Variants in CAMKMT observed in about 807,000 individuals in gnomAD.
CAMKMT encodes CaM KMT.
In CAMKMT, 53 loss-of-function variants were observed where a neutral mutation model predicts 48.0. The observed-to-expected ratio is 1.10, with a 90% CI of 0.89 to 1.39. The LOEUF is 1.39. Ranked by LOEUF, CAMKMT falls within the 40% of genes most tolerant of loss-of-function variation. The pLI is 0.00. For missense variants in CAMKMT, 428 were observed against 402.7 expected (o/e 1.06, Z -0.54); for synonymous variants, 165 against 152.3 (o/e 1.08, Z -0.61).
chr2:44,436,735 A>G (rs1666285073), intron 3 of CAMKMT, among the ~76,000 whole-genome samples: 1 of 152,168 alleles, frequency 6.6e-6, no homozygotes, highest in African/African-American at 2.4e-5. Flanking sequence ...TCTCAGGACT[A>G]TGTGATTACA....
intron 3 of CAMKMT, among the ~76,000 whole-genome samples, chr2:44,599,233 G>C (rs1480246967): frequency 6.6e-6 from 1 of 152,070 alleles, no homozygotes; most frequent in Admixed American, 6.5e-5. Context: ...CAAATACTGT[G>C]ACCATAACTC....
intron 7 of CAMKMT, among the ~76,000 whole-genome samples, chr2:44,729,813 C>T (rs1678986495): frequency 6.6e-6 from 1 of 152,078 alleles, no homozygotes; most frequent in Admixed American, 6.6e-5. Context: ...AAAGTGTGGC[C>T]CCCTGACCAG....
At chr2:44,737,887 T>TCA (rs1160335692) in intron 7 of CAMKMT, among the ~76,000 whole-genome samples, 7 of 115,776 alleles carry the variant, frequency 6.0e-5, no homozygotes, top group Non-Finnish European at 9.0e-5. Flanking sequence ...AGATGGAGTC[T>TCA]CGCTGTTACC....
At chr2:44,621,136 T>C (rs569573586) in intron 3 of CAMKMT, among the ~76,000 whole-genome samples, 4,305 of 151,398 alleles carry the variant, frequency 0.028, 177 homozygotes, top group African/African-American at 0.088. Flanking sequence ...GGCGTGGTGA[T>C]GGGCGCTTGT....
chr2:44,520,218 C>G (rs1054763492), intron 3 of CAMKMT, among the ~76,000 whole-genome samples: 2 of 151,750 alleles, frequency 1.3e-5, no homozygotes, highest in Non-Finnish European at 2.9e-5. Context: ...GACTCTGTCT[C>G]AAAAAATAAA....
At chr2:44,668,928 C>G (rs1269477546) in intron 3 of CAMKMT, among the ~76,000 whole-genome samples, 1 of 151,842 alleles carries the variant, frequency 6.6e-6, no homozygotes, top group Non-Finnish European at 1.5e-5. Context: ...ACTACAGGTG[C>G]CTGCCACAAC....
chr2:44,499,767 A>G (rs1669921265), intron 3 of CAMKMT, among the ~76,000 whole-genome samples: 2 of 152,152 alleles, frequency 1.3e-5, no homozygotes, highest in African/African-American at 4.8e-5. Flanking sequence ...GAACCATGAA[A>G]ATTTTGTAGG....
At chr2:44,756,583 T>C (rs1370697525) in intron 9 of CAMKMT, among the ~76,000 whole-genome samples, 1 of 150,622 alleles carries the variant, frequency 6.6e-6, no homozygotes, top group Non-Finnish European at 1.5e-5. Context: ...CTACTGAAAA[T>C]ACAAAAAAAT....
At chr2:44,533,975 T>C (rs1443304738) in intron 3 of CAMKMT, among the ~76,000 whole-genome samples, 1 of 152,204 alleles carries the variant, frequency 6.6e-6, no homozygotes, top group Non-Finnish European at 1.5e-5. Flanking sequence ...ATATGCTGCC[T>C]ACAAGAAACT....
chr2:44,443,213 A>G (rs1666779125), intron 3 of CAMKMT, among the ~76,000 whole-genome samples: 1 of 152,228 alleles, frequency 6.6e-6, no homozygotes, highest in Admixed American at 6.5e-5. Flanking sequence ...TGGCATACCC[A>G]TTGTTAACAC....
At chr2:44,569,429 C>A (rs1031376850) in intron 3 of CAMKMT, among the ~76,000 whole-genome samples, 3 of 152,054 alleles carry the variant, frequency 2.0e-5, no homozygotes, top group African/African-American at 7.2e-5. Flanking sequence ...AAATCATTTT[C>A]TTTTTTTATT....
intron 3 of CAMKMT, among the ~76,000 whole-genome samples, chr2:44,496,287 A>G (rs528977258): frequency 4.6e-5 from 7 of 152,268 alleles, no homozygotes; most frequent in Admixed American, 4.6e-4. Context: ...TCAGCGTCAT[A>G]TTTTTCCGAT....
chr2:44,509,648 T>C (rs1040407399), intron 3 of CAMKMT, among the ~76,000 whole-genome samples: 44 of 152,168 alleles, frequency 2.9e-4, no homozygotes, highest in Non-Finnish European at 3.4e-4. Flanking sequence ...GGAAATATGG[T>C]CCCTGGTATG....
At chr2:44,688,739 TTCC>T (rs1472872348) in intron 3 of CAMKMT, among the ~76,000 whole-genome samples, 1 of 152,188 alleles carries the variant, frequency 6.6e-6, no homozygotes, top group Non-Finnish European at 1.5e-5. Context: ...AAATGATTCT[TTCC>T]TCAAGACCTA....
At chr2:44,377,204 G>T (rs1679789885) in intron 2 of CAMKMT, among the ~76,000 whole-genome samples, 1 of 151,948 alleles carries the variant, frequency 6.6e-6, no homozygotes, top group Non-Finnish European at 1.5e-5. Flanking sequence ...ATGGGGTTTT[G>T]CTGTGTTGCC....
At chr2:44,455,349 C>G (rs1039484337) in intron 3 of CAMKMT, among the ~76,000 whole-genome samples, 3 of 152,074 alleles carry the variant, frequency 2.0e-5, no homozygotes, top group African/African-American at 7.2e-5. Context: ...ATTTTTCTTT[C>G]TGCTTGCCCT....
At chr2:44,685,000 T>C (rs1372220945) in intron 3 of CAMKMT, among the ~76,000 whole-genome samples, 1 of 152,140 alleles carries the variant, frequency 6.6e-6, no homozygotes, top group Non-Finnish European at 1.5e-5. Flanking sequence ...TGCTGAGTTC[T>C]AGGTTTAGAA....
intron 3 of CAMKMT, among the ~76,000 whole-genome samples, chr2:44,396,990 C>T (rs961844977): frequency 6.1e-5 from 9 of 148,408 alleles, no homozygotes; most frequent in Admixed American, 6.8e-5. Flanking sequence ...ACCCAGGAGG[C>T]GAAGGTTGCA....
chr2:44,469,416 G>A (rs1668301281), intron 3 of CAMKMT, among the ~76,000 whole-genome samples: 1 of 151,516 alleles, frequency 6.6e-6, no homozygotes, highest in Non-Finnish European at 1.5e-5. Flanking sequence ...TATTTGGTGT[G>A]TGCCCTTTCA....
Sources: gnomAD v4.1 joint callset for allele counts (sites outside exome capture counted in the v4.1 genomes callset) on GRCh38, gnomAD v4.1.1 for gene constraint, MANE v1.5 for transcripts, NCBI Gene and HGNC (gene_info 2026-07-23, HGNC 2026-07-21) for gene names.